Variants in CNTN4 observed in about 807,000 individuals in gnomAD.
The protein encoded by CNTN4 is contactin-4.
A neutral mutation model predicts 122.5 loss-of-function variants in CNTN4; 77 were observed. The ratio of observed to expected loss-of-function variants is 0.63; its 90% CI spans 0.52 to 0.76. The LOEUF (loss-of-function observed/expected upper bound fraction) is 0.76. Among genes scored for constraint, CNTN4 ranks in the 30% least tolerant of loss-of-function variants. CNTN4 has a pLI of 0.00. For synonymous variants in CNTN4, 512 were observed against 447.0 expected (o/e 1.15, Z -1.83); for missense variants, 1,256 against 1,259.1 (o/e 1.00, Z 0.04).
chr3:2,676,825 G>A (rs1194431724), intron 4 of CNTN4, among the ~76,000 whole-genome samples: 1 of 152,162 alleles, frequency 6.6e-6, no homozygotes, highest in Non-Finnish European at 1.5e-5. Flanking sequence ...AAAAAGTGGA[G>A]GGGAAATTAT....
intron 3 of CNTN4, among the ~76,000 whole-genome samples, chr3:2,424,113 C>T (rs975568296): frequency 1.1e-4 from 17 of 150,148 alleles, no homozygotes; most frequent in African/African-American, 2.9e-4. Flanking sequence ...ATGTGCACAA[C>T]GTGCAGGGTT....
chr3:2,945,688 A>G (rs998008600), intron 13 of CNTN4, among the ~76,000 whole-genome samples: 1 of 152,076 alleles, frequency 6.6e-6, no homozygotes, highest in Non-Finnish European at 1.5e-5. Flanking sequence ...CAATAAAACC[A>G]CCTCTTCGCC....
At position 2,866,834 on chromosome 3, in the gene CNTN4, G is replaced by A. The variant is rs778888279; in HGVS notation, c.537G>A (p.Leu179=). 21 of 1,613,832 alleles carry A rather than the reference G, an allele frequency of 1.3e-5. No homozygotes were observed. Among genetic ancestry groups the A allele is most frequent in the Non-Finnish European group, 2.5e-6 (3 of 1,179,880 alleles). ...TTGTTTCTCAAGAGACTGGGAATCT[G>A]TATATTGCCAAAGTAGAAAAATCAG... The part of the protein sequence containing the change: ...RRFVSQETGN[L]YIAKVEKSDV... Residue 179 remains leucine (L), a synonymous_variant, in exon 8 of 25, where the codon CTG becomes CTA. Coordinates refer to ENST00000418658, the MANE Select transcript of CNTN4 (RefSeq NM_175607.3).
At position 2,336,801 on chromosome 3, in the gene CNTN4, A is replaced by T. The variant is rs375115171; in HGVS notation, c.-144-2377A>T. On this transcript the variant is annotated intron_variant, in intron 2 of 24. Transcript: ENST00000418658. Reference sequence around the variant, plus strand: ...TTTCTCATGTGGATCAGGAGTAAGGATGTATGTAATCCTAACTCTGGTTTT... The same window carrying T: ...TTTCTCATGTGGATCAGGAGTAAGGTTGTATGTAATCCTAACTCTGGTTTT... 1.1e-3 allele frequency among the ~76,000 whole-genome samples: 168 copies of T among 152,224 alleles called. 1 individual carries two copies. Among genetic ancestry groups the T allele is most frequent in the African/African-American group, 3.9e-3 (161 of 41,538 alleles).
At chr3:2,839,599 A>G (rs1480276910) in intron 7 of CNTN4, among the ~76,000 whole-genome samples, 1 of 152,182 alleles carries the variant, frequency 6.6e-6, no homozygotes, top group African/African-American at 2.4e-5. Flanking sequence ...TTAAATTTTC[A>G]AGGACTGCAC....
intron 6 of CNTN4, among the ~76,000 whole-genome samples, chr3:2,795,344 C>CA (rs1021118485): frequency 7.9e-5 from 12 of 152,138 alleles, no homozygotes; most frequent in African/African-American, 1.2e-4. Flanking sequence ...CTCTTCTCTC[C>CA]AAAAAACATG....
intron 12 of CNTN4, among the ~76,000 whole-genome samples, chr3:2,915,824 A>G (rs1237222223): frequency 1.3e-5 from 2 of 152,216 alleles, no homozygotes; most frequent in African/African-American, 4.8e-5. Context: ...AGTTGAAAGG[A>G]TAGAGGAAAT....
At chr3:2,759,335 C>T (rs1330136147) in intron 6 of CNTN4, among the ~76,000 whole-genome samples, 4 of 151,820 alleles carry the variant, frequency 2.6e-5, no homozygotes, top group African/African-American at 7.3e-5. Context: ...TTTGTATTTT[C>T]AGTAGAGACA....
At chr3:3,017,077 T>C (rs1697828481) in intron 14 of CNTN4, among the ~76,000 whole-genome samples, 1 of 152,194 alleles carries the variant, frequency 6.6e-6, no homozygotes, top group Non-Finnish European at 1.5e-5. Flanking sequence ...GCTACTTCTG[T>C]GTTTTCTTCT....
intron 2 of CNTN4, among the ~76,000 whole-genome samples, chr3:2,205,691 A>C (rs936890441): frequency 3.3e-5 from 5 of 152,124 alleles, no homozygotes; most frequent in African/African-American, 1.2e-4. Context: ...ATAGTCCCTC[A>C]GCTTTTCTGC....
chr3:2,498,043 A>G (rs2076498815), intron 3 of CNTN4, among the ~76,000 whole-genome samples: 1 of 152,200 alleles, frequency 6.6e-6, no homozygotes. Flanking sequence ...ATAGTAAGTC[A>G]ATGGTAGTAA....
chr3:2,520,295 T>G (rs2077165340), intron 3 of CNTN4, among the ~76,000 whole-genome samples: 1 of 130,134 alleles, frequency 7.7e-6, no homozygotes, highest in Non-Finnish European at 1.6e-5. Flanking sequence ...TTTTTTGAGA[T>G]TGAGTTTCAC....
chr3:2,295,089 TG>T (rs1268182153), intron 2 of CNTN4, among the ~76,000 whole-genome samples: 3 of 151,536 alleles, frequency 2.0e-5, no homozygotes, highest in Admixed American at 2.0e-4. Flanking sequence ...GATGGACATT[TG>T]GTTTGGTTCC....
intron 3 of CNTN4, among the ~76,000 whole-genome samples, chr3:2,425,135 A>G (rs1272884995): frequency 1.3e-5 from 2 of 152,142 alleles, no homozygotes; most frequent in Non-Finnish European, 2.9e-5. Context: ...TTAGACATGA[A>G]GTGCTTGCCC....
At chr3:2,343,147 A>T (rs1259132147) in intron 3 of CNTN4, among the ~76,000 whole-genome samples, 1 of 152,220 alleles carries the variant, frequency 6.6e-6, no homozygotes, top group African/African-American at 2.4e-5. Context: ...CAGCTGAGGC[A>T]GGAGAATAGG....
At chr3:2,684,169 G>A (rs1242440917) in intron 4 of CNTN4, among the ~76,000 whole-genome samples, 2 of 152,072 alleles carry the variant, frequency 1.3e-5, no homozygotes, top group African/African-American at 4.8e-5. Flanking sequence ...AATACAAGGG[G>A]AAGCCATTAA....
intron 2 of CNTN4, among the ~76,000 whole-genome samples, chr3:2,298,635 C>T (rs141705310): frequency 9.7e-4 from 147 of 152,200 alleles, no homozygotes; most frequent in African/African-American, 3.3e-3. Context: ...TCTAATGCCA[C>T]ATATGTGGAG....
At chr3:2,178,097 G>A (rs1472274262) in intron 2 of CNTN4, among the ~76,000 whole-genome samples, 1 of 151,964 alleles carries the variant, frequency 6.6e-6, no homozygotes, top group Non-Finnish European at 1.5e-5. Flanking sequence ...AAATTCTGTA[G>A]CAGGATGCAC....
intron 2 of CNTN4, among the ~76,000 whole-genome samples, chr3:2,246,320 A>G (rs868368173): frequency 3.3e-5 from 5 of 152,054 alleles, no homozygotes; most frequent in Admixed American, 6.6e-5. Flanking sequence ...TCATCAAGGC[A>G]ATGGGCTAGC....
Sources: gnomAD v4.1 joint callset for allele counts (sites outside exome capture counted in the v4.1 genomes callset) on GRCh38, gnomAD v4.1.1 for gene constraint, MANE v1.5 for transcripts, NCBI Gene and HGNC (gene_info 2026-07-23, HGNC 2026-07-21) for gene names.